TIAM1: variants seen among roughly 807,000 people sequenced by gnomAD.
TIAM1 encodes TIAM Rac1 associated GEF 1, also known as rho guanine nucleotide exchange factor TIAM1.
TIAM1 carries 65 observed loss-of-function variants against 163.5 expected under a neutral mutation model. That is an observed-to-expected ratio of 0.40 (90% CI 0.33 to 0.49). The LOEUF (loss-of-function observed/expected upper bound fraction) is 0.49, where lower values mean the gene tolerates loss of function less well. TIAM1 is among the 20% of genes least tolerant of loss of function. TIAM1 has a pLI of 0.77. For missense variants in TIAM1, 1,789 were observed against 2,044.7 expected, an observed-to-expected ratio of 0.87 and a Z score of 2.41; for synonymous variants, 833 against 810.1, an observed-to-expected ratio of 1.03 and a Z score of -0.48.
intron 4 of TIAM1, among the ~76,000 whole-genome samples, chr21:31,260,749 A>G (rs2072423067): frequency 6.6e-6 from 1 of 152,004 alleles, no homozygotes; most frequent in African/African-American, 2.4e-5. Context: ...AGAAAAAAAA[A>G]AGGGTGTTTT....
chr21:31,452,071 T>C (rs2044881732), intron 2 of TIAM1, among the ~76,000 whole-genome samples: 1 of 152,100 alleles, frequency 6.6e-6, no homozygotes, highest in Non-Finnish European at 1.5e-5. Context: ...CATCCTAAGG[T>C]GATCGATCCC....
At chr21:31,462,126 C>CT (rs899983234) in intron 2 of TIAM1, among the ~76,000 whole-genome samples, 41 of 152,084 alleles carry the variant, frequency 2.7e-4, no homozygotes, top group African/African-American at 9.4e-4. Flanking sequence ...GATCAGCAAA[C>CT]TTTTTTTTAA....
chr21:31,219,055 G>A (rs1302440051), intron 8 of TIAM1, among the ~76,000 whole-genome samples: 2 of 116,900 alleles, frequency 1.7e-5, no homozygotes, highest in African/African-American at 6.4e-5. Context: ...TTTTTTTGAC[G>A]GAGTCTCGCT....
At chr21:31,219,950 G>A (rs867804285) in intron 8 of TIAM1, among the ~76,000 whole-genome samples, 2 of 152,156 alleles carry the variant, frequency 1.3e-5, no homozygotes, top group South Asian at 2.1e-4. Context: ...AACAAAGGTT[G>A]TAAAAGGAAT....
At chr21:31,549,500 G>A (rs147366407) in intron 1 of TIAM1, among the ~76,000 whole-genome samples, 24 of 152,158 alleles carry the variant, frequency 1.6e-4, no homozygotes, top group Admixed American at 3.9e-4. Flanking sequence ...TGAGCAACAC[G>A]TCTGAAGATA....
At chr21:31,387,675 T>C (rs1230446109) in intron 2 of TIAM1, among the ~76,000 whole-genome samples, 1 of 152,090 alleles carries the variant, frequency 6.6e-6, no homozygotes, top group African/African-American at 2.4e-5. Flanking sequence ...CGGACGCTGG[T>C]CCAAGGCACA....
chr21:31,144,988 C>G (rs2083045526), intron 20 of TIAM1, among the ~76,000 whole-genome samples: 1 of 151,802 alleles, frequency 6.6e-6, no homozygotes. Flanking sequence ...TTAAAAATAA[C>G]ACAAATTGCT....
intron 2 of TIAM1, among the ~76,000 whole-genome samples, chr21:31,295,263 A>T (rs112106218): frequency 6.6e-6 from 1 of 151,974 alleles, no homozygotes; most frequent in Non-Finnish European, 1.5e-5. Context: ...GAAGTCAGGA[A>T]ATCGAGACCA....
intron 11 of TIAM1, among the ~76,000 whole-genome samples, chr21:31,208,334 C>G (rs1445376089): frequency 6.6e-6 from 1 of 152,170 alleles, no homozygotes; most frequent in Admixed American, 6.6e-5. Context: ...TCTGGAAACA[C>G]CTTCCAGAGT....
intron 4 of TIAM1, among the ~76,000 whole-genome samples, chr21:31,259,004 C>A (rs915351328): frequency 3.9e-5 from 6 of 151,950 alleles, no homozygotes; most frequent in African/African-American, 1.5e-4. Context: ...GCTTTATGGC[C>A]ACATCCAACA....
chr21:31,462,764 A>C (rs2045379524), intron 2 of TIAM1, among the ~76,000 whole-genome samples: 1 of 141,216 alleles, frequency 7.1e-6, no homozygotes, highest in Admixed American at 7.3e-5. Context: ...TTTTTTTGAG[A>C]CCAAGTCTCA....
intron 1 of TIAM1, among the ~76,000 whole-genome samples, chr21:31,339,735 C>T (rs567603914): frequency 1.1e-4 from 16 of 152,272 alleles, no homozygotes; most frequent in South Asian, 6.2e-4. Context: ...GGAAGCTCTA[C>T]GATTCAGTAC....
Position 31,442,070 on chromosome 21 carries a change from A to ATATATATATATATATATATATATAT in TIAM1, c.-369+21912_-369+21913insATATATATATATATATATATATATA, listed in dbSNP as rs2044441960. On this transcript the variant is annotated intron_variant, in intron 2 of 28. Coordinates refer to the TIAM1 transcript ENST00000286827. ...GACCCTATCTCAGAACAAATAAATA[A>ATATATATATATATATATATATATAT]ATATATATATATATATAGAACAATA... 4.5e-4 allele frequency among the ~76,000 whole-genome samples: 24 copies of ATATATATATATATATATATATATAT among 53,226 alleles called. 1 individual carries two copies. Among genetic ancestry groups the ATATATATATATATATATATATATAT allele is most frequent in the African/African-American group, 9.4e-4 (14 of 14,874 alleles). The allele number at this position is 53,226 out of a possible 152,430, so 34.9% of individuals were successfully genotyped here. A position where few individuals can be genotyped will look rare whatever the true frequency, so the allele number is the denominator to read the frequency against.
chr21:31,387,121 G>A (rs1378985717), intron 2 of TIAM1, among the ~76,000 whole-genome samples: 5 of 151,446 alleles, frequency 3.3e-5, no homozygotes, highest in African/African-American at 1.2e-4. Context: ...TCCCAGAGAT[G>A]TGGGGAGCCC....
intron 1 of TIAM1, among the ~76,000 whole-genome samples, chr21:31,474,447 T>C (rs1276318203): frequency 6.6e-6 from 1 of 152,028 alleles, no homozygotes; most frequent in Non-Finnish European, 1.5e-5. Context: ...AAGATGAGGA[T>C]GGCAGCAGCT....
At chr21:31,558,203 A>T (rs952334001) in intron 1 of TIAM1, among the ~76,000 whole-genome samples, 21 of 152,204 alleles carry the variant, frequency 1.4e-4, no homozygotes, top group African/African-American at 5.1e-4. Flanking sequence ...GCAGCGGCAG[A>T]GCTGGTGAGA....
intron 4 of TIAM1, 142 bp from the exon 5 acceptor site, chr21:31,252,331 T>C (rs2071859622): frequency 1.1e-6 from 1 of 890,074 alleles, no homozygotes; most frequent in African/African-American, 1.7e-5. Flanking sequence ...TGACGGCTCC[T>C]GGACCAGGTC....
At chr21:31,324,516 C>T (rs185991297) in intron 2 of TIAM1, among the ~76,000 whole-genome samples, 88 of 152,222 alleles carry the variant, frequency 5.8e-4, no homozygotes, top group African/African-American at 2.0e-3. Flanking sequence ...AGTACTTGTC[C>T]CCATTTATAA....
At chr21:31,257,076 G>A (rs1397898009) in intron 4 of TIAM1, among the ~76,000 whole-genome samples, 2 of 152,094 alleles carry the variant, frequency 1.3e-5, no homozygotes, top group South Asian at 2.1e-4. Context: ...TTGTTCTCAC[G>A]TTCACAAAAC....
Sources: allele counts gnomAD v4.1 joint callset (sites outside exome capture counted in the v4.1 genomes callset), GRCh38; gene constraint gnomAD v4.1.1; transcripts MANE v1.5; gene names NCBI Gene and HGNC (gene_info 2026-07-23, HGNC 2026-07-21).